Variants in PTPRN2 observed in about 807,000 individuals in gnomAD.
PTPRN2 encodes protein tyrosine phosphatase receptor type N2.
PTPRN2 carries 74 observed loss-of-function variants against 118.8 expected under a neutral mutation model. The ratio of observed to expected loss-of-function variants is 0.62; its 90% confidence interval spans 0.52 to 0.76. PTPRN2 has a LOEUF of 0.76. Ranked by LOEUF, PTPRN2 falls within the 30% of genes least tolerant of loss-of-function variation. PTPRN2 has a pLI of 0.00. For synonymous variants in PTPRN2, 641 were observed against 608.0 expected (o/e 1.05, Z -0.80); for missense variants, 1,481 against 1,394.4 (o/e 1.06, Z -0.99).
chr7:158,108,654 G>A (rs531927840), intron 10 of PTPRN2, among the ~76,000 whole-genome samples: 8 of 152,346 alleles, frequency 5.3e-5, no homozygotes, highest in Admixed American at 2.0e-4. Context: ...TCTCTGGGAC[G>A]CCTCCATGTG....
chr7:158,042,596 G>A (rs1224665493), intron 11 of PTPRN2, among the ~76,000 whole-genome samples: 5 of 152,198 alleles, frequency 3.3e-5, no homozygotes, highest in African/African-American at 1.2e-4. Context: ...CTGAGTTCAC[G>A]TTTTTGCTGT....
chr7:158,501,363 A>G (rs992605678), intron 1 of PTPRN2, among the ~76,000 whole-genome samples: 3 of 152,220 alleles, frequency 2.0e-5, no homozygotes, highest in African/African-American at 7.2e-5. Flanking sequence ...CGATTTCAGC[A>G]GATGGAGCGC....
chr7:157,945,107 A>G (rs1324182647), intron 11 of PTPRN2, among the ~76,000 whole-genome samples: 4 of 152,006 alleles, frequency 2.6e-5, no homozygotes, highest in Non-Finnish European at 5.9e-5. Context: ...TTAGTGTGGG[A>G]GGAACACGGT....
intron 5 of PTPRN2, among the ~76,000 whole-genome samples, chr7:158,170,133 T>TGAGAAA (rs1190260984): frequency 1.3e-5 from 2 of 152,228 alleles, no homozygotes; most frequent in African/African-American, 4.8e-5. Flanking sequence ...AGCAAGAGCG[T>TGAGAAA]GAGAAAGAGC....
At chr7:157,898,392 TC>T (rs1198088414) in intron 12 of PTPRN2, among the ~76,000 whole-genome samples, 1 of 152,224 alleles carries the variant, frequency 6.6e-6, no homozygotes, top group African/African-American at 2.4e-5. Context: ...GCACCTATTT[TC>T]TGAAGGCTTC....
At chr7:158,204,200 T>C (rs1468340614) in intron 4 of PTPRN2, among the ~76,000 whole-genome samples, 1 of 135,972 alleles carries the variant, frequency 7.4e-6, no homozygotes, top group Admixed American at 7.3e-5. Context: ...GCGTGCGCCG[T>C]GTGGTGAAGA....
At chr7:158,468,482 G>A (rs1049241793) in intron 2 of PTPRN2, among the ~76,000 whole-genome samples, 2 of 143,382 alleles carry the variant, frequency 1.4e-5, no homozygotes, top group African/African-American at 5.1e-5. Flanking sequence ...CCCCCACCCC[G>A]CCCCTCGCCG....
chr7:157,672,060 G>A (rs530967097), intron 13 of PTPRN2, among the ~76,000 whole-genome samples: 1 of 152,262 alleles, frequency 6.6e-6, no homozygotes, highest in African/African-American at 2.4e-5. Context: ...CAGCCGGCCC[G>A]AGGACACCGC....
chr7:157,955,803 G>T (rs1801148158), intron 11 of PTPRN2, among the ~76,000 whole-genome samples: 1 of 152,196 alleles, frequency 6.6e-6, no homozygotes, highest in Non-Finnish European at 1.5e-5. Flanking sequence ...CCAGGGGTGT[G>T]GAACAGTTTG....
intron 11 of PTPRN2, among the ~76,000 whole-genome samples, chr7:157,936,534 A>C (rs2128785727): frequency 6.6e-6 from 1 of 151,486 alleles, no homozygotes; most frequent in Non-Finnish European, 1.5e-5. Flanking sequence ...ACTCAATCTC[A>C]CTTCTAGTGT....
At chr7:157,683,316 G>A (rs1251706261) in intron 12 of PTPRN2, among the ~76,000 whole-genome samples, 4 of 152,170 alleles carry the variant, frequency 2.6e-5, no homozygotes, top group African/African-American at 9.7e-5. Context: ...TGTCGGGGGT[G>A]CTGGGGGGAG....
intron 11 of PTPRN2, among the ~76,000 whole-genome samples, chr7:158,068,941 T>C (rs1420224195): frequency 6.6e-6 from 1 of 152,204 alleles, no homozygotes; most frequent in South Asian, 2.1e-4. Context: ...TGCTAAAATA[T>C]CAACACAGAT....
At chr7:158,520,958 G>A (rs1391905854) in intron 1 of PTPRN2, among the ~76,000 whole-genome samples, 4 of 152,158 alleles carry the variant, frequency 2.6e-5, no homozygotes, top group Admixed American at 1.3e-4. Flanking sequence ...GGGCCTGGCC[G>A]AGATCTCAGC....
At position 157,667,522 on chromosome 7, in the gene PTPRN2, G is replaced by C. The variant is rs76418434; in HGVS notation, c.2002-10971C>G. On this transcript the variant is annotated intron_variant, in intron 13 of 22. Transcript: ENST00000389418. ...GGCCTCTGGCAGGGCCTCCTTCCAG[G>C]ACACAATACCAAGGAGGCCAGACCC... Among the ~76,000 whole-genome samples, 1,181 of 152,324 alleles carry C rather than the reference G, an allele frequency of 7.8e-3. 11 individuals are homozygous for C. The highest frequency in any genetic ancestry group is 0.023 in the African/African-American group (952 of 41,574).
chr7:157,575,081 A>T lies in PTPRN2; in HGVS notation c.2783+1532T>A, dbSNP rs376420969. On this transcript the variant is annotated intron_variant, in intron 19 of 22. Transcript: ENST00000389418. Reference sequence around the variant, plus strand: ...TCTTGGTGATGAATCATAAACACTGAGGGTCGGTGATGTACATGTTCCCGT... The same window carrying T: ...TCTTGGTGATGAATCATAAACACTGTGGGTCGGTGATGTACATGTTCCCGT... Among the ~76,000 whole-genome samples the T allele has an allele frequency of 1.1e-4, 17 of 152,286 alleles. No individual in the cohort carries two copies. In the South Asian group the frequency reaches 1.7e-3, roughly 15 times the overall value.
At chr7:157,692,098 C>G (rs944391096) in intron 12 of PTPRN2, among the ~76,000 whole-genome samples, 6 of 152,236 alleles carry the variant, frequency 3.9e-5, no homozygotes, top group African/African-American at 1.4e-4. Context: ...CTGCGGAGGG[C>G]TCTTTAGTTT....
At chr7:157,752,527 C>T (rs543107502) in intron 12 of PTPRN2, among the ~76,000 whole-genome samples, 84 of 152,254 alleles carry the variant, frequency 5.5e-4, no homozygotes, top group Non-Finnish European at 9.6e-4. Context: ...TCAGGGTCAA[C>T]GCGCACTCTC....
intron 2 of PTPRN2, among the ~76,000 whole-genome samples, chr7:158,340,436 G>A (rs62481708): frequency 0.42 from 5,570 of 13,410 alleles, 1,406 homozygotes; most frequent in Middle Eastern, 0.62. Context: ...CACTCTCACC[G>A]TAAGAGCTGA....
At chr7:157,877,453 C>T (rs1294958897) in intron 12 of PTPRN2, among the ~76,000 whole-genome samples, 2 of 150,644 alleles carry the variant, frequency 1.3e-5, no homozygotes, top group African/African-American at 4.9e-5. Flanking sequence ...TCAGGGTTTC[C>T]TTGGGGACCC....
Sources: gnomAD v4.1 joint callset for allele counts (sites outside exome capture counted in the v4.1 genomes callset) on GRCh38, gnomAD v4.1.1 for gene constraint, MANE v1.5 for transcripts, NCBI Gene and HGNC (gene_info 2026-07-23, HGNC 2026-07-21) for gene names.